SLC14A2: variants seen among roughly 807,000 people sequenced by gnomAD.
SLC14A2 encodes the protein solute carrier family 14 member 2, also known as urea transporter 2.
In SLC14A2, 91 loss-of-function variants were observed where a neutral mutation model predicts 104.6. That is an observed-to-expected ratio of 0.87 (90% confidence interval 0.73 to 1.04). The LOEUF is 1.04. SLC14A2 is among the 50% of genes least tolerant of loss of function. SLC14A2 has a pLI of 0.00. For synonymous variants in SLC14A2, 476 were observed against 466.4 expected (o/e 1.02, Z -0.27); for missense variants, 1,189 against 1,156.0 (o/e 1.03, Z -0.41).
intron 4 of SLC14A2, among the ~76,000 whole-genome samples, chr18:45,631,403 A>T (rs1211249449): frequency 6.6e-6 from 1 of 152,206 alleles, no homozygotes; most frequent in African/African-American, 2.4e-5. Flanking sequence ...GCAATTAGAA[A>T]GGTCAAGGAC....
chr18:45,397,073 G>A (rs941244821), intron 1 of SLC14A2, among the ~76,000 whole-genome samples: 6 of 152,124 alleles, frequency 3.9e-5, no homozygotes, highest in Non-Finnish European at 5.9e-5. Flanking sequence ...TCATTGACGG[G>A]CATTTAGGTT....
chr18:45,291,517 C>T (rs1372638833), intron 1 of SLC14A2, among the ~76,000 whole-genome samples: 9 of 152,134 alleles, frequency 5.9e-5, no homozygotes, highest in Admixed American at 5.9e-4. Context: ...AGAAGCTCAG[C>T]CGTTTTCTCC....
At chr18:45,638,537 C>G (rs1467130020) in intron 6 of SLC14A2, among the ~76,000 whole-genome samples, 1 of 152,216 alleles carries the variant, frequency 6.6e-6, no homozygotes, top group African/African-American at 2.4e-5. Context: ...GCACACTAGA[C>G]TCACCTGAGG....
intron 2 of SLC14A2, among the ~76,000 whole-genome samples, chr18:45,538,054 G>A (rs556729865): frequency 6.6e-6 from 1 of 152,338 alleles, no homozygotes; most frequent in African/African-American, 2.4e-5. Context: ...TCAGGAATGA[G>A]GGAGAAGCCT....
At chr18:45,188,666 T>C in the SLC14A2 span, among the ~76,000 whole-genome samples, 2 of 152,196 alleles carry the variant, frequency 1.3e-5, no homozygotes, top group Non-Finnish European at 2.9e-5. Flanking sequence ...TCCTGAGAAC[T>C]GTAAGTCAAG....
At chr18:45,610,486 T>C (rs528373918), upstream of SLC14A2, among the ~76,000 whole-genome samples, 122 of 152,292 alleles carry the variant, frequency 8.0e-4, 1 homozygote, top group African/African-American at 2.8e-3. Flanking sequence ...TAGATAAAGA[T>C]GACTGTGTGC....
chr18:45,349,649 T>C (rs1019595879), intron 1 of SLC14A2, among the ~76,000 whole-genome samples: 1 of 152,210 alleles, frequency 6.6e-6, no homozygotes, highest in African/African-American at 2.4e-5. Context: ...AATGGGCAGA[T>C]TGCACAAACA....
At chr18:45,606,116 C>G (rs757184549) in intron 2 of SLC14A2, among the ~76,000 whole-genome samples, 101 of 152,186 alleles carry the variant, frequency 6.6e-4, no homozygotes, top group Non-Finnish European at 1.1e-3. Flanking sequence ...AGAAACAGCC[C>G]CTTTTAATCA....
chr18:45,539,836 A>G (rs1159582727), intron 2 of SLC14A2, among the ~76,000 whole-genome samples: 2 of 152,056 alleles, frequency 1.3e-5, no homozygotes, highest in Non-Finnish European at 2.9e-5. Context: ...GCCCTTCAGT[A>G]TTAAAAACTT....
At chr18:45,210,712 T>A (rs1319213672), upstream of SLC14A2, among the ~76,000 whole-genome samples, 1 of 152,140 alleles carries the variant, frequency 6.6e-6, no homozygotes, top group African/African-American at 2.4e-5. Context: ...TGGTTTTGAG[T>A]TTTTGCTCTG....
intron 1 of SLC14A2, among the ~76,000 whole-genome samples, chr18:45,430,669 G>A (rs887399981): frequency 6.6e-6 from 1 of 152,034 alleles, no homozygotes; most frequent in Non-Finnish European, 1.5e-5. Context: ...TCCACCTCCT[G>A]TGTTCACACC....
At chr18:45,330,824 G>C (rs1458841822) in intron 1 of SLC14A2, among the ~76,000 whole-genome samples, 1 of 152,202 alleles carries the variant, frequency 6.6e-6, no homozygotes, top group Non-Finnish European at 1.5e-5. Flanking sequence ...ACACTCACTA[G>C]CTAGAGAAGC....
intron 2 of SLC14A2, among the ~76,000 whole-genome samples, chr18:45,559,249 G>T (rs1056470127): frequency 6.6e-5 from 10 of 152,176 alleles, no homozygotes; most frequent in African/African-American, 2.4e-4. Flanking sequence ...GTCAAACAAA[G>T]GAAAGAGGCA....
intron 1 of SLC14A2, among the ~76,000 whole-genome samples, chr18:45,354,752 G>A (rs1393556484): frequency 6.6e-6 from 1 of 152,178 alleles, no homozygotes; most frequent in African/African-American, 2.4e-5. Flanking sequence ...CATGGTATAT[G>A]CTGCACTTCC....
chr18:45,648,502 G>A (rs375448175), intron 10 of SLC14A2, among the ~76,000 whole-genome samples: 1 of 152,074 alleles, frequency 6.6e-6, no homozygotes. Context: ...ACCACGCCCG[G>A]CCTAGTTAAT....
chr18:45,202,785 A>G, the SLC14A2 span, among the ~76,000 whole-genome samples: 1 of 152,176 alleles, frequency 6.6e-6, no homozygotes. Flanking sequence ...ACCAACATTT[A>G]ACATAGCCAA....
At chr18:45,260,611 A>G (rs1734027711) in intron 1 of SLC14A2, among the ~76,000 whole-genome samples, 2 of 152,338 alleles carry the variant, frequency 1.3e-5, no homozygotes, top group African/African-American at 2.4e-5. Flanking sequence ...CATATATACA[A>G]TGGCATACTA....
At chr18:45,593,486 CTTT>C (rs1172271684) in intron 2 of SLC14A2, among the ~76,000 whole-genome samples, 2 of 88,784 alleles carry the variant, frequency 2.3e-5, no homozygotes. Flanking sequence ...TTTCCTTAAT[CTTT>C]TTTTTTTTTT....
chr18:45,346,372 G>A (rs1216901275), intron 1 of SLC14A2, among the ~76,000 whole-genome samples: 1 of 152,108 alleles, frequency 6.6e-6, no homozygotes, highest in African/African-American at 2.4e-5. Flanking sequence ...GGCCAGGCTG[G>A]TCTTGAACTC....
Sources: gnomAD v4.1 joint callset for allele counts (sites outside exome capture counted in the v4.1 genomes callset) on GRCh38, gnomAD v4.1.1 for gene constraint, MANE v1.5 for transcripts, NCBI Gene and HGNC (gene_info 2026-07-23, HGNC 2026-07-21) for gene names.